Variants in NF2 observed in about 807,000 individuals in gnomAD.
NF2 encodes NF2, moesin-ezrin-radixin like (MERLIN) tumor suppressor, also known as merlin.
In NF2, 8 loss-of-function variants were observed where a neutral mutation model predicts 83.7. The ratio of observed to expected loss-of-function variants is 0.10; its 90% CI spans 0.06 to 0.17. The LOEUF (loss-of-function observed/expected upper bound fraction) is 0.17. Among genes scored for constraint, NF2 ranks in the 10% least tolerant of loss-of-function variants. The pLI is 1.00. For missense variants in NF2, 533 were observed against 744.4 expected, an observed-to-expected ratio of 0.72 and a Z score of 3.31; for synonymous variants, 266 against 269.6, an observed-to-expected ratio of 0.99 and a Z score of 0.13.
At chr22:29,644,964 A>G (rs2065943890) in intron 4 of NF2, among the ~76,000 whole-genome samples, 1 of 152,086 alleles carries the variant, frequency 6.6e-6, no homozygotes, top group Non-Finnish European at 1.5e-5. Flanking sequence ...GGAGAGGGAG[A>G]GGGAGAGGGC....
chr22:29,613,286 T>A (rs2065000634), intron 1 of NF2, among the ~76,000 whole-genome samples: 1 of 151,994 alleles, frequency 6.6e-6, no homozygotes, highest in Non-Finnish European at 1.5e-5. Flanking sequence ...TCCCAACACT[T>A]TGGGAGGCCA....
chr22:29,644,668 C>T (rs367912171), intron 4 of NF2, among the ~76,000 whole-genome samples: 9 of 152,218 alleles, frequency 5.9e-5, no homozygotes, highest in East Asian at 5.8e-4. Context: ...TCTGCAATCC[C>T]GGCACCTCGG....
intron 1 of NF2, among the ~76,000 whole-genome samples, chr22:29,622,463 A>G (rs995339545): frequency 3.3e-5 from 5 of 152,142 alleles, no homozygotes; most frequent in Non-Finnish European, 7.4e-5. Flanking sequence ...TCCTGCCTGT[A>G]TTCAGCCTGG....
Position 29,636,665 on chromosome 22 carries a change from G to A in NF2, c.115-86G>A. On this transcript the variant is annotated intron_variant, in intron 1 of 15. Transcript: ENST00000338641. This position sits in a 1 kb window ranked among gnomAD's most constrained non-coding sequence, Gnocchi z 4.4. ...TGTCTTAGTGTCATCCCCACGTTTT[G>A]GAACCTGAGAGTGGAGAGTGCAGAG... 6.3e-7 allele frequency: 1 copy of A among 1,578,780 alleles called. No individual in the cohort carries two copies. The highest frequency in any genetic ancestry group is 8.7e-7 in the Non-Finnish European group (1 of 1,148,782).
At chr22:29,639,881 C>CAAAA (rs763315832) in intron 3 of NF2, among the ~76,000 whole-genome samples, 1 of 21,186 alleles carries the variant, frequency 4.7e-5, no homozygotes, top group Non-Finnish European at 9.6e-5. Flanking sequence ...GGTTCCGTCT[C>CAAAA]AAAAAAAAAA....
chr22:29,616,236 AACTG>A (rs373202285), intron 1 of NF2, among the ~76,000 whole-genome samples: 37 of 152,306 alleles, frequency 2.4e-4, no homozygotes, highest in East Asian at 7.7e-4. Flanking sequence ...AATACTCTAA[AACTG>A]ACTGGTGATG....
Position 29,605,309 on chromosome 22 carries a change from C to T in NF2, c.114+1197C>T, listed in dbSNP as rs549445602. ...CCTTCCAGGTAGCTGGGATTACAGGCGTGCGCCACCTCGTCTGGCTAATTT... is the reference window on the plus strand; with the variant it reads ...CCTTCCAGGTAGCTGGGATTACAGGTGTGCGCCACCTCGTCTGGCTAATTT... On this transcript the variant is annotated intron_variant, in intron 1 of 15. Transcript: ENST00000338641. Among the ~76,000 whole-genome samples the T allele has an allele frequency of 5.3e-5, 8 of 152,238 alleles. 1 individual carries two copies. The South Asian group carries it at 1.5e-3, about 28-fold the overall frequency.
At chr22:29,687,278 A>G (rs1040987233) in intron 15 of NF2, among the ~76,000 whole-genome samples, 3 of 152,328 alleles carry the variant, frequency 2.0e-5, no homozygotes, top group Admixed American at 6.5e-5. Context: ...TGAACCGTCA[A>G]GGTCCAGCTG....
chr22:29,651,442 A>G (rs867508357), intron 4 of NF2, among the ~76,000 whole-genome samples: 3 of 152,252 alleles, frequency 2.0e-5, no homozygotes, highest in Admixed American at 2.0e-4. Flanking sequence ...ATGAAGGTGC[A>G]GAGACCTGAA....
At chr22:29,635,877 G>A (rs1313340314) in intron 1 of NF2, among the ~76,000 whole-genome samples, 1 of 152,144 alleles carries the variant, frequency 6.6e-6, no homozygotes, top group Non-Finnish European at 1.5e-5. Flanking sequence ...GGGCAAGGAG[G>A]GGGCAAGCAG....
chr22:29,637,437 T>TA (rs1213778229), intron 2 of NF2, among the ~76,000 whole-genome samples: 5 of 152,168 alleles, frequency 3.3e-5, no homozygotes, highest in Admixed American at 1.3e-4. Context: ...CTGGCAATTT[T>TA]AATGTGGCTT....
At chr22:29,613,526 A>T (rs1261537339) in intron 1 of NF2, among the ~76,000 whole-genome samples, 1 of 152,110 alleles carries the variant, frequency 6.6e-6, no homozygotes, top group African/African-American at 2.4e-5. Flanking sequence ...GCGAGATTCC[A>T]TTTCAAAAAA....
At chr22:29,654,625 T>C (rs2066245154) in intron 4 of NF2, 32 bp from the exon 5 acceptor site, 1 of 1,597,908 alleles carries the variant, frequency 6.3e-7, no homozygotes, top group Non-Finnish European at 8.6e-7. Flanking sequence ...CTTTAGAATC[T>C]CAATCGCCTG....
chr22:29,647,950 AAAAT>A lies in NF2; in HGVS notation c.447+5679_447+5682del, dbSNP rs141507846. Among the ~76,000 whole-genome samples, 3,611 of 151,962 alleles carry A rather than the reference AAAAT, an allele frequency of 0.024. 356 individuals are homozygous for A. In the East Asian group the frequency reaches 0.35, roughly 15 times the overall value. ...TTTCCCCTTAAGGTAGGTGCCTACG[AAAAT>A]AAATAAATAAATACATACATACAAA... On this transcript the variant is annotated intron_variant, in intron 4 of 15. Transcript: ENST00000338641.
At chr22:29,623,267 C>G (rs1482013406) in intron 1 of NF2, among the ~76,000 whole-genome samples, 1 of 152,118 alleles carries the variant, frequency 6.6e-6, no homozygotes, top group African/African-American at 2.4e-5. Flanking sequence ...GAATTGGTAG[C>G]TTCAAGCTAG....
chr22:29,697,566 CTTT>C lies in NF2; in HGVS notation c.*2778_*2780del, dbSNP rs113760386. On this transcript the variant is annotated 3_prime_UTR_variant, in exon 16 of 16. Coordinates refer to ENST00000338641, the MANE Select transcript of NF2 (RefSeq NM_000268.4). ...TTCCTGTGGCTGGGATGACTGCATC[CTTT>C]TTTTTTTTTTTTTGAGACGGAGTTT... is the stretch of plus-strand genomic sequence containing the variant. 1.2e-3 allele frequency: 196 copies of C among 158,586 alleles called. No homozygotes were observed. The highest frequency in any genetic ancestry group is 7.4e-3 in the Middle Eastern group (3 of 406). 9.8% of individuals were successfully genotyped at this position (158,586 alleles called of 1,614,324 possible). A position where few individuals can be genotyped will look rare whatever the true frequency, so the allele number is the denominator to read the frequency against.
intron 15 of NF2, among the ~76,000 whole-genome samples, chr22:29,692,585 C>T (rs1287791527): frequency 2.0e-5 from 3 of 152,220 alleles, no homozygotes; most frequent in South Asian, 4.1e-4. Flanking sequence ...AAGGCCCCCA[C>T]AGCCTGGGCT....
chr22:29,648,091 A>T (rs976655624), intron 4 of NF2, among the ~76,000 whole-genome samples: 42 of 152,042 alleles, frequency 2.8e-4, no homozygotes, highest in Middle Eastern at 3.4e-3. Flanking sequence ...AGATCACACC[A>T]CTGCACTCCA....
At chr22:29,662,710 G>A (rs1046545249) in intron 8 of NF2, among the ~76,000 whole-genome samples, 1 of 152,248 alleles carries the variant, frequency 6.6e-6, no homozygotes, top group Admixed American at 6.5e-5. Flanking sequence ...AGGAAGCAGA[G>A]ACACAGAAGG....
Sources: gnomAD v4.1 joint callset for allele counts (sites outside exome capture counted in the v4.1 genomes callset) on GRCh38, gnomAD v4.1.1 for gene constraint, Gnocchi (gnomAD v3.1) non-coding constraint, MANE v1.5 for transcripts, NCBI Gene and HGNC (gene_info 2026-07-23, HGNC 2026-07-21) for gene names.